Variants in FAM222B observed in about 807,000 individuals in gnomAD.
The protein encoded by FAM222B is protein FAM222B.
FAM222B carries 12 observed loss-of-function variants against 38.0 expected under a neutral mutation model. The ratio of observed to expected loss-of-function variants is 0.32; its 90% CI spans 0.20 to 0.51. FAM222B has a LOEUF of 0.51. Among genes scored for constraint, FAM222B ranks in the 20% least tolerant of loss-of-function variants. The pLI is 0.97. For synonymous variants in FAM222B, 329 were observed against 317.2 expected (o/e 1.04, Z -0.40); for missense variants, 716 against 754.2 (o/e 0.95, Z 0.59).
intron 1 of FAM222B, among the ~76,000 whole-genome samples, chr17:28,768,640 C>T (rs1426342899): frequency 6.6e-6 from 1 of 151,864 alleles, no homozygotes; most frequent in African/African-American, 2.4e-5. Context: ...AGTTCGAGAA[C>T]AGCGTGGCCA....
intron 1 of FAM222B, among the ~76,000 whole-genome samples, chr17:28,788,293 T>A (rs1178189575): frequency 6.6e-6 from 1 of 151,942 alleles, no homozygotes; most frequent in African/African-American, 2.4e-5. Flanking sequence ...GGCTGGAGTA[T>A]GGTGGTGCAA....
intron 1 of FAM222B, among the ~76,000 whole-genome samples, chr17:28,799,525 G>A (rs1185316960): frequency 1.4e-5 from 2 of 140,314 alleles, no homozygotes; most frequent in Admixed American, 7.1e-5. Context: ...TCGCCAGGAT[G>A]GTCTCGATCT....
At chr17:28,845,148 T>C (rs1160159699), upstream of FAM222B, among the ~76,000 whole-genome samples, 1 of 140,512 alleles carries the variant, frequency 7.1e-6, no homozygotes, top group Non-Finnish European at 1.5e-5. Flanking sequence ...AGGCCTGTAA[T>C]CCCAGCACTT....
In FAM222B at chr17:28,758,663, G is replaced by T; in HGVS notation, c.1296C>A (p.Ser432=). ...LKPPLEKPTP[S]PPVNGMAAPL... ...GGGCTGCCATGCCGTTGACTGGTGGGGATGGGGTCGGCTTTTCCAGGGGTG... is the reference window on the plus strand; with the variant it reads ...GGGCTGCCATGCCGTTGACTGGTGGTGATGGGGTCGGCTTTTCCAGGGGTG... Residue 432 remains serine (S), a synonymous_variant, in exon 3 of 3, where the codon TCC becomes TCA. Transcript: ENST00000581407. The T allele has an allele frequency of 6.2e-7, 1 of 1,608,164 alleles. No individual in the cohort carries two copies. Among genetic ancestry groups the T allele is most frequent in the South Asian group, 1.1e-5 (1 of 90,828 alleles).
intron 1 of FAM222B, among the ~76,000 whole-genome samples, chr17:28,807,269 G>T (rs1225200607): frequency 6.6e-6 from 1 of 152,132 alleles, no homozygotes; most frequent in African/African-American, 2.4e-5. Context: ...GCCTGCCTCA[G>T]CTTCCCAAAG....
chr17:28,764,740 C>A (rs1012887173), intron 2 of FAM222B, among the ~76,000 whole-genome samples: 3 of 151,746 alleles, frequency 2.0e-5, no homozygotes, highest in African/African-American at 7.3e-5. Context: ...GAGCAAAACT[C>A]TATCTAAAAA....
chr17:28,759,027 G>A lies in FAM222B; in HGVS notation c.932C>T (p.Ser311Leu), dbSNP rs372959774. The A allele has an allele frequency of 1.6e-5, 26 of 1,612,772 alleles. No individual in the cohort carries two copies. Among genetic ancestry groups the A allele is most frequent in the East Asian group, 8.9e-5 (4 of 44,830 alleles). ...CATTGGTGTGGGGACGCTGTGGGTC[G>A]ACACCCGGGTGCTTGCATTGATGAG... ...SLLINASTRV[S>L]THSVPTPMPS... The change falls in exon 3 of 3, where the codon TCG (serine) becomes TTG (leucine). Residue 311 changes from serine (S) to leucine (L), a missense_variant. Transcript: ENST00000581407. This position sits in a 1 kb window ranked among gnomAD's most constrained non-coding sequence, Gnocchi z 4.8.
intron 1 of FAM222B, among the ~76,000 whole-genome samples, chr17:28,813,042 A>AG (rs1555582938): frequency 4.7e-4 from 5 of 10,732 alleles, no homozygotes; most frequent in Non-Finnish European, 7.4e-4. Context: ...GGGGGGGGGG[A>AG]GGGGGGGGCG....
chr17:28,851,943 C>T lies in FAM222B; in HGVS notation c.-41+3007G>A, dbSNP rs538525692. On this transcript the variant is annotated intron_variant, in intron 1 of 2. Transcript: ENST00000577513. Reference sequence around the variant, plus strand: ...CAGGCACATCTGTAGTCCCAGCTACCTGGGAGGCTAAAATGGGGGAATCAC... The same window carrying T: ...CAGGCACATCTGTAGTCCCAGCTACTTGGGAGGCTAAAATGGGGGAATCAC... Among the ~76,000 whole-genome samples the T allele has an allele frequency of 8.1e-4, 122 of 151,288 alleles. 2 individuals are homozygous for T. The highest frequency in any genetic ancestry group is 1.6e-3 in the Non-Finnish European group (108 of 67,788).
chr17:28,805,441 A>C lies in FAM222B; in HGVS notation c.-41+37241T>G, dbSNP rs897161482. Among the ~76,000 whole-genome samples the C allele has an allele frequency of 1.3e-4, 20 of 152,042 alleles. 1 individual carries two copies. Among genetic ancestry groups the C allele is most frequent in the Non-Finnish European group, 2.5e-4 (17 of 68,004 alleles). On this transcript the variant is annotated intron_variant, in intron 1 of 2. Coordinates refer to ENST00000581407, the MANE Select transcript of FAM222B (RefSeq NM_001077498.3). ...TCCCAGCTATTCAGGAGGCTGAGGCACAAGAATCACTTGAACCCAGGAGGT... is the reference window on the plus strand; with the variant it reads ...TCCCAGCTATTCAGGAGGCTGAGGCCCAAGAATCACTTGAACCCAGGAGGT...
intron 1 of FAM222B, among the ~76,000 whole-genome samples, chr17:28,769,174 C>CTTTTTTTTTTTTTTTT (rs35918064): frequency 1.2e-5 from 1 of 82,574 alleles, no homozygotes; most frequent in Non-Finnish European, 2.2e-5. Flanking sequence ...AATGTTAGTT[C>CTTTTTTTTTTTTTTTT]TTTTTTTTTT....
chr17:28,831,513 T>C (rs546464448), intron 1 of FAM222B, among the ~76,000 whole-genome samples: 1 of 149,942 alleles, frequency 6.7e-6, no homozygotes, highest in East Asian at 2.0e-4. Context: ...GCTTTTTTTT[T>C]TTTTTTTTTT....
chr17:28,846,713 C>T (rs1412629625), upstream of FAM222B, among the ~76,000 whole-genome samples: 2 of 152,054 alleles, frequency 1.3e-5, no homozygotes, highest in African/African-American at 4.8e-5. Context: ...CTATTAACCC[C>T]ACAGCCCTCT....
At chr17:28,786,954 G>A (rs1434737406) in intron 1 of FAM222B, among the ~76,000 whole-genome samples, 1 of 143,004 alleles carries the variant, frequency 7.0e-6, no homozygotes, top group African/African-American at 2.7e-5. Flanking sequence ...GCCCAGCCTG[G>A]AGTGCAGTGG....
chr17:28,793,628 C>T (rs540764114), intron 1 of FAM222B, among the ~76,000 whole-genome samples: 1 of 152,200 alleles, frequency 6.6e-6, no homozygotes, highest in South Asian at 2.1e-4. Context: ...AGAGGTAGAA[C>T]AAGTGTGTTA....
chr17:28,786,470 T>C (rs1669443991), intron 1 of FAM222B, among the ~76,000 whole-genome samples: 1 of 152,194 alleles, frequency 6.6e-6, no homozygotes, highest in African/African-American at 2.4e-5. Flanking sequence ...TTACCTCTCA[T>C]TCTCAAGCAA....
chr17:28,792,042 T>C (rs1291961049), intron 1 of FAM222B, among the ~76,000 whole-genome samples: 2 of 150,776 alleles, frequency 1.3e-5, no homozygotes, highest in Non-Finnish European at 3.0e-5. Context: ...CCAGGCGCAG[T>C]GGCTCACGCC....
At chr17:28,821,144 C>T (rs1253322511) in intron 1 of FAM222B, among the ~76,000 whole-genome samples, 5 of 151,846 alleles carry the variant, frequency 3.3e-5, no homozygotes, top group African/African-American at 9.7e-5. Flanking sequence ...TTAGTACAAA[C>T]GGGGTTTCAC....
intron 1 of FAM222B, among the ~76,000 whole-genome samples, chr17:28,785,001 C>G (rs976861617): frequency 6.6e-6 from 1 of 152,050 alleles, no homozygotes; most frequent in Non-Finnish European, 1.5e-5. Context: ...AATGATTCTC[C>G]CACCTCAGTC....
Sources: allele counts gnomAD v4.1 joint callset (sites outside exome capture counted in the v4.1 genomes callset), GRCh38; gene constraint gnomAD v4.1.1; non-coding constraint Gnocchi (gnomAD v3.1); transcripts MANE v1.5; gene names NCBI Gene and HGNC (gene_info 2026-07-23, HGNC 2026-07-21).